TYW1: variants seen among roughly 807,000 people sequenced by gnomAD.
TYW1 encodes the protein tRNA-yW synthesizing protein 1 homolog, also known as S-adenosyl-L-methionine-dependent tRNA 4-demethylwyosine synthase TYW1.
Under a neutral mutation model 96.2 loss-of-function variants are expected in TYW1, and 46 were observed. The observed-to-expected ratio is 0.48, with a 90% CI of 0.38 to 0.61. The LOEUF (loss-of-function observed/expected upper bound fraction) is 0.61, where lower values mean the gene tolerates loss of function less well. TYW1 is among the 20% of genes least tolerant of loss of function. The pLI is 0.00. For missense variants in TYW1, 684 were observed against 909.6 expected, an observed-to-expected ratio of 0.75 and a Z score of 3.19; for synonymous variants, 274 against 323.0, an observed-to-expected ratio of 0.85 and a Z score of 1.63.
chr7:66,999,605 C>T lies in TYW1; in HGVS notation c.273+651C>T, dbSNP rs138330156. Reference sequence around the variant, plus strand: ...CTGGGCTCAGGTGATCCGCTTGCCTCGGCCTCCCAAAGTGCTGGGATTACA... The same window carrying T: ...CTGGGCTCAGGTGATCCGCTTGCCTTGGCCTCCCAAAGTGCTGGGATTACA... On this transcript the variant is annotated intron_variant, in intron 3 of 15. Transcript: ENST00000359626. Among the ~76,000 whole-genome samples, 1,226 of 152,294 alleles carry T rather than the reference C, an allele frequency of 8.1e-3. 8 individuals are homozygous for T. Among genetic ancestry groups the T allele is most frequent in the Non-Finnish European group, 0.012 (792 of 68,026 alleles).
intron 13 of TYW1, 54 bp downstream of exon 13, chr7:67,117,672 A>C (rs1312120488): frequency 1.5e-5 from 21 of 1,414,170 alleles, no homozygotes; most frequent in African/African-American, 2.9e-5. Context: ...TGTGTACTGA[A>C]GTTAAGAAGA....
At chr7:67,099,031 AT>A (rs11297642) in intron 12 of TYW1, among the ~76,000 whole-genome samples, 35,426 of 139,954 alleles carry the variant, frequency 0.25, 4,442 homozygotes, top group African/African-American at 0.36. Flanking sequence ...TATTATTATT[AT>A]TTTTTTTTTT....
intron 10 of TYW1, among the ~76,000 whole-genome samples, chr7:67,073,841 G>A (rs916113999): frequency 4.0e-5 from 6 of 150,606 alleles, no homozygotes; most frequent in Non-Finnish European, 7.4e-5. Flanking sequence ...CCAGCACTTC[G>A]GGAGGCTGAG....
intron 15 of TYW1, among the ~76,000 whole-genome samples, chr7:67,217,217 CT>C (rs1224131540): frequency 2.0e-5 from 3 of 152,000 alleles, no homozygotes; most frequent in Non-Finnish European, 4.4e-5. Context: ...TCTGAGTTGC[CT>C]TTTTACTCTG....
At position 67,067,363 on chromosome 7, in the gene TYW1, C is replaced by A; in HGVS notation, c.1234C>A (p.Pro412Thr). The A allele has an allele frequency of 1.2e-6, 2 of 1,613,954 alleles. No individual in the cohort carries two copies. Among genetic ancestry groups the A allele is most frequent in the Non-Finnish European group, 1.7e-6 (2 of 1,179,868 alleles). ...GAGCCATCGCTGCATGGAAACCACC[C>A]CGAGCTTGGCGTGTGCTAATAAATG... ...IESHRCMETTPSLACANKCVF... is the reference protein window; with the variant it reads ...IESHRCMETTTSLACANKCVF... The change falls in exon 10 of 16, where the codon CCG becomes ACG. Residue 412 changes from proline to threonine, a missense_variant. Physicochemically the swap from Pro to Thr is conservative, Grantham distance 38. Coordinates refer to ENST00000359626, the MANE Select transcript of TYW1 (RefSeq NM_018264.4).
At chr7:67,062,575 A>AAAAAAAAAG (rs1447932128) in intron 9 of TYW1, among the ~76,000 whole-genome samples, 22 of 151,070 alleles carry the variant, frequency 1.5e-4, no homozygotes, top group African/African-American at 4.9e-4. Context: ...TCAAAAAAAA[A>AAAAAAAAAG]AAAAAAGAAA....
chr7:67,149,704 G>A (rs1257399194), intron 13 of TYW1, among the ~76,000 whole-genome samples: 1 of 131,524 alleles, frequency 7.6e-6, no homozygotes, highest in Non-Finnish European at 1.6e-5. Context: ...TTTGGAGCTT[G>A]TCAAAAAAGG....
intron 15 of TYW1, among the ~76,000 whole-genome samples, chr7:67,231,275 A>G (rs1418470216): frequency 3.9e-5 from 6 of 152,188 alleles, no homozygotes; most frequent in Non-Finnish European, 8.8e-5. Flanking sequence ...TGGATTTGCT[A>G]TCAGGTTCAT....
intron 13 of TYW1, among the ~76,000 whole-genome samples, chr7:67,174,397 A>G (rs1200514823): frequency 1.3e-5 from 2 of 151,456 alleles, no homozygotes; most frequent in African/African-American, 2.4e-5. Context: ...CAGAAATGAG[A>G]GCACAAACCA....
chr7:67,075,139 G>T (rs1322501695), intron 10 of TYW1, among the ~76,000 whole-genome samples: 2 of 152,144 alleles, frequency 1.3e-5, no homozygotes, highest in African/African-American at 4.8e-5. Context: ...GAAGTAGACT[G>T]TTATGGATAG....
intron 5 of TYW1, among the ~76,000 whole-genome samples, chr7:67,015,856 G>T (rs576948180): frequency 6.5e-4 from 99 of 151,958 alleles, no homozygotes; most frequent in Non-Finnish European, 8.5e-4. Context: ...CCAGCTACTC[G>T]GGAGGCTGAG....
intron 11 of TYW1, among the ~76,000 whole-genome samples, chr7:67,088,363 A>G (rs1273516779): frequency 6.6e-6 from 1 of 152,226 alleles, no homozygotes; most frequent in Non-Finnish European, 1.5e-5. Flanking sequence ...AAGAAAAAAA[A>G]AACCCTAATT....
In TYW1 at chr7:67,159,163, A is replaced by C. The variant is rs188894159; in HGVS notation, c.1699-23963A>C. 1.1e-3 allele frequency among the ~76,000 whole-genome samples: 170 copies of C among 152,280 alleles called. 2 individuals carry two copies. Among genetic ancestry groups the C allele is most frequent in the African/African-American group, 3.8e-3 (157 of 41,562 alleles). On this transcript the variant is annotated intron_variant, in intron 13 of 15. Coordinates refer to ENST00000359626, the MANE Select transcript of TYW1 (RefSeq NM_018264.4). ...ATATATCGTGATCCTTTGTCTAAGTATTATATTACCTCAAGTTTAAATTGC... is the reference window on the plus strand; with the variant it reads ...ATATATCGTGATCCTTTGTCTAAGTCTTATATTACCTCAAGTTTAAATTGC...
intron 15 of TYW1, among the ~76,000 whole-genome samples, chr7:67,214,824 G>A (rs1801155108): frequency 6.7e-6 from 1 of 148,330 alleles, no homozygotes. Context: ...TTTGAATGTT[G>A]AACCAGTCTT....
chr7:67,134,551 A>G (rs1285481613), intron 13 of TYW1, among the ~76,000 whole-genome samples: 3 of 151,954 alleles, frequency 2.0e-5, no homozygotes, highest in African/African-American at 7.2e-5. Flanking sequence ...CAAAAAAAAA[A>G]AAGATAAATA....
chr7:67,017,952 A>G lies in TYW1; in HGVS notation c.670A>G (p.Ser224Gly), dbSNP rs756821810. 1.2e-6 allele frequency: 2 copies of G among 1,614,178 alleles called. No individual in the cohort carries two copies. The highest frequency in any genetic ancestry group is 1.7e-6 in the Non-Finnish European group (2 of 1,180,040). ...CGACGTGGTTAAAAGCAAGCACGGC[A>G]GCATTGAGGCCGACTTCAGAGCATG... ...DCDVVKSKHG[S>G]IEADFRAWKT... The change falls in exon 6 of 16, where the codon AGC becomes GGC. Residue 224 changes from serine (S) to glycine (G), a missense_variant. Transcript: ENST00000359626.
At chr7:67,046,610 AT>A (rs1258506134) in intron 7 of TYW1, among the ~76,000 whole-genome samples, 1 of 152,238 alleles carries the variant, frequency 6.6e-6, no homozygotes, top group African/African-American at 2.4e-5. Context: ...ATATTGTTAC[AT>A]TCTGGGCAGA....
intron 7 of TYW1, among the ~76,000 whole-genome samples, chr7:67,029,418 T>TATAC (rs1794593271): frequency 2.2e-4 from 29 of 131,362 alleles, no homozygotes; most frequent in African/African-American, 3.4e-4. Flanking sequence ...TGTGTGTGTA[T>TATAC]ATATATATAT....
intron 5 of TYW1, among the ~76,000 whole-genome samples, chr7:67,016,049 T>G (rs905587703): frequency 6.6e-6 from 1 of 151,954 alleles, no homozygotes; most frequent in African/African-American, 2.4e-5. Flanking sequence ...TTAAATTTTT[T>G]GGTTAGTTTT....
Sources: allele counts gnomAD v4.1 joint callset (sites outside exome capture counted in the v4.1 genomes callset), GRCh38; gene constraint gnomAD v4.1.1; transcripts MANE v1.5; gene names NCBI Gene and HGNC (gene_info 2026-07-23, HGNC 2026-07-21).